TCF12: variants seen among roughly 807,000 people sequenced by gnomAD.
TCF12 encodes the protein DNA-binding protein HTF4.
TCF12 carries 45 observed loss-of-function variants against 86.0 expected under a neutral mutation model. The observed-to-expected ratio is 0.52, with a 90% CI of 0.41 to 0.67. TCF12 has a LOEUF of 0.67. Ranked by LOEUF, TCF12 falls within the 30% of genes least tolerant of loss-of-function variation. The pLI, the probability that TCF12 is intolerant of heterozygous loss-of-function variation, is 0.00. For missense variants in TCF12, 881 were observed against 859.9 expected (o/e 1.02, Z -0.31); for synonymous variants, 330 against 299.6 (o/e 1.10, Z -1.05).
chr15:57,210,828 A>G (rs1346672671), intron 8 of TCF12, among the ~76,000 whole-genome samples: 1 of 152,188 alleles, frequency 6.6e-6, no homozygotes, highest in Non-Finnish European at 1.5e-5. Flanking sequence ...TCCAACCTAC[A>G]TACTCACTAC....
intron 7 of TCF12, among the ~76,000 whole-genome samples, chr15:57,193,694 T>G (rs1444939253): frequency 1.3e-5 from 2 of 152,246 alleles, no homozygotes; most frequent in Non-Finnish European, 1.5e-5. Flanking sequence ...TGCTTCATAT[T>G]TATGTATCTA....
chr15:57,265,232 G>A (rs1175526083), intron 18 of TCF12, among the ~76,000 whole-genome samples: 2 of 151,954 alleles, frequency 1.3e-5, no homozygotes, highest in Non-Finnish European at 1.5e-5. Flanking sequence ...AAAAAAAATT[G>A]ATTCCTAGCT....
intron 12 of TCF12, 95 bp from the exon 13 acceptor site, chr15:57,243,377 G>T: frequency 5.6e-6 from 6 of 1,077,304 alleles, no homozygotes; most frequent in South Asian, 4.5e-5. Context: ...TCTTAGGGGT[G>T]ACAACTAGAT....
At position 57,033,674 on chromosome 15, in the gene TCF12, C is replaced by T. The variant is rs116343691; in HGVS notation, c.149-30076C>T. 7.3e-3 allele frequency among the ~76,000 whole-genome samples: 1,117 copies of T among 152,106 alleles called. 14 individuals are homozygous for T. The highest frequency in any genetic ancestry group is 0.026 in the African/African-American group (1,067 of 41,508). ...ACAGCCCTGAGAAAGAAAGTAGGTT[C>T]TTACTTATTTTTCTACGTATAGAAT... On this transcript the variant is annotated intron_variant, in intron 3 of 20. Transcript: ENST00000333725.
intron 3 of TCF12, among the ~76,000 whole-genome samples, chr15:56,948,051 A>G (rs1421249886): frequency 6.6e-6 from 1 of 152,078 alleles, no homozygotes; most frequent in Non-Finnish European, 1.5e-5. Context: ...TCACTTTTGT[A>G]AGGGTTATTA....
intron 5 of TCF12, among the ~76,000 whole-genome samples, chr15:57,115,727 G>T (rs1225180137): frequency 6.6e-6 from 1 of 152,164 alleles, no homozygotes; most frequent in Non-Finnish European, 1.5e-5. Context: ...ATTCCTAGCA[G>T]AGAAGTTTTG....
chr15:57,106,477 T>C (rs1210081286), intron 5 of TCF12, among the ~76,000 whole-genome samples: 1 of 152,200 alleles, frequency 6.6e-6, no homozygotes, highest in Admixed American at 6.5e-5. Flanking sequence ...TGAAAGAATA[T>C]ACAAGAAATT....
chr15:56,975,911 C>T (rs949587728), intron 3 of TCF12, among the ~76,000 whole-genome samples: 3 of 151,454 alleles, frequency 2.0e-5, no homozygotes, highest in Admixed American at 1.3e-4. Context: ...TAATAGGAAG[C>T]TTCAAACACT....
At chr15:57,004,068 A>G (rs1422210620) in intron 3 of TCF12, among the ~76,000 whole-genome samples, 3 of 151,954 alleles carry the variant, frequency 2.0e-5, no homozygotes, top group Non-Finnish European at 4.4e-5. Context: ...TCAGTGATGT[A>G]ATTTCTATAA....
At position 56,919,892 on chromosome 15, in the gene TCF12, G is replaced by A; in HGVS notation, c.-22G>A. 6.2e-7 allele frequency: 1 copy of A among 1,613,754 alleles called. No homozygotes were observed. The highest frequency in any genetic ancestry group is 8.5e-7 in the Non-Finnish European group (1 of 1,179,852). On this transcript the variant is annotated splice_region_variant and 5_prime_UTR_variant, in exon 2 of 21. Coordinates refer to ENST00000333725, the MANE Select transcript of TCF12 (RefSeq NM_207037.2). ...GCTGAGCCCGTTTCCTCTGCCCTAGGACCTGCTAGAAGTGGCCGAAGATGA... is the reference window on the plus strand; with the variant it reads ...GCTGAGCCCGTTTCCTCTGCCCTAGAACCTGCTAGAAGTGGCCGAAGATGA...
At chr15:57,178,999 T>C (rs2733344) in intron 6 of TCF12, among the ~76,000 whole-genome samples, 1,890 of 152,096 alleles carry the variant, frequency 0.012, 42 homozygotes, top group African/African-American at 0.043. Context: ...TGTGATATCT[T>C]CTCATTGGCT....
chr15:56,952,664 T>G (rs2061334551), intron 3 of TCF12, among the ~76,000 whole-genome samples: 1 of 152,182 alleles, frequency 6.6e-6, no homozygotes, highest in Non-Finnish European at 1.5e-5. Context: ...TTTTAAAAAT[T>G]CAATTTCTGA....
chr15:57,072,694 CAGA>C (rs2151006615), intron 4 of TCF12: 2 of 1,307,076 alleles, frequency 1.5e-6, no homozygotes, highest in African/African-American at 3.0e-5. Flanking sequence ...CAAAGCAAGA[CAGA>C]AGGGTCAGAG....
chr15:57,190,093 T>C (rs2056901927), intron 6 of TCF12, among the ~76,000 whole-genome samples: 1 of 151,850 alleles, frequency 6.6e-6, no homozygotes, highest in Non-Finnish European at 1.5e-5. Context: ...GAATGGAGAG[T>C]AAGTGCTTAA....
chr15:57,143,513 A>G (rs904533401), intron 5 of TCF12, among the ~76,000 whole-genome samples: 3 of 152,206 alleles, frequency 2.0e-5, no homozygotes, highest in African/African-American at 7.2e-5. Context: ...TGAATGTGGA[A>G]ATCTCAATGT....
intron 4 of TCF12, among the ~76,000 whole-genome samples, chr15:57,073,267 A>C (rs1156680199): frequency 6.6e-6 from 1 of 152,230 alleles, no homozygotes; most frequent in Admixed American, 6.5e-5. Context: ...AAAGTTAACA[A>C]GTAAAAATCA....
At chr15:57,153,533 C>T (rs1327031814) in intron 5 of TCF12, among the ~76,000 whole-genome samples, 1 of 152,072 alleles carries the variant, frequency 6.6e-6, no homozygotes. Flanking sequence ...TTAAATTACA[C>T]TGTGAAATAA....
intron 6 of TCF12, among the ~76,000 whole-genome samples, chr15:57,170,674 T>A (rs12911384): frequency 1.8e-3 from 21 of 11,352 alleles, no homozygotes; most frequent in African/African-American, 2.3e-3. Flanking sequence ...TATATATATA[T>A]AATATATTAT....
At chr15:57,017,939 T>C (rs1327999606) in intron 3 of TCF12, among the ~76,000 whole-genome samples, 1 of 152,154 alleles carries the variant, frequency 6.6e-6, no homozygotes, top group Non-Finnish European at 1.5e-5. Flanking sequence ...CCAGATTATT[T>C]TGGTAAACCT....
Sources: gnomAD v4.1 joint callset for allele counts (sites outside exome capture counted in the v4.1 genomes callset) on GRCh38, gnomAD v4.1.1 for gene constraint, MANE v1.5 for transcripts, NCBI Gene and HGNC (gene_info 2026-07-23, HGNC 2026-07-21) for gene names.